ROR2: variants seen among roughly 807,000 people sequenced by gnomAD.
ROR2 encodes ROR family WNT receptor 2, also known as tyrosine-protein kinase transmembrane receptor ROR2.
ROR2 carries 33 observed loss-of-function variants against 74.9 expected under a neutral mutation model. The observed-to-expected ratio is 0.44, with a 90% CI of 0.33 to 0.59. The LOEUF (loss-of-function observed/expected upper bound fraction) is 0.59, where lower values mean the gene tolerates loss of function less well. ROR2 is among the 20% of genes least tolerant of loss of function. The pLI, the probability that ROR2 is intolerant of heterozygous loss-of-function variation, is 0.02. For missense variants in ROR2, 1,216 were observed against 1,313.8 expected (o/e 0.93, Z 1.15); for synonymous variants, 586 against 558.7 (o/e 1.05, Z -0.69).
At position 91,724,060 on chromosome 9, in the gene ROR2, C is replaced by T; in HGVS notation, c.2434G>A (p.Val812Met). The T allele has an allele frequency of 6.2e-7, 1 of 1,610,810 alleles. No homozygotes were observed. The change falls in exon 9 of 9, where the codon GTG becomes ATG. Residue 812 changes from valine (V) to methionine (M), a missense_variant. Coordinates refer to ENST00000375708, the MANE Select transcript of ROR2 (RefSeq NM_004560.4). ...IPMKGQIRPMVPPPQLYVPVN... is the reference protein window; with the variant it reads ...IPMKGQIRPMMPPPQLYVPVN... ...GGGACGTAGAGCTGCGGCGGGGGCA[C>T]CATGGGTCTGATCTGGCCCTTCATG...
intron 1 of ROR2, among the ~76,000 whole-genome samples, chr9:91,871,079 C>A (rs556247877): frequency 3.0e-4 from 46 of 152,308 alleles, no homozygotes; most frequent in African/African-American, 1.1e-3. Context: ...CCAAAGAAAC[C>A]CTCGGTTATT....
chr9:91,844,931 T>C (rs1828881222), intron 1 of ROR2, among the ~76,000 whole-genome samples: 1 of 152,182 alleles, frequency 6.6e-6, no homozygotes, highest in East Asian at 1.9e-4. Flanking sequence ...CTGCATTTTC[T>C]ACACACGCAT....
At chr9:91,819,413 G>C (rs1182543384) in intron 1 of ROR2, among the ~76,000 whole-genome samples, 1 of 152,164 alleles carries the variant, frequency 6.6e-6, no homozygotes, top group Non-Finnish European at 1.5e-5. Context: ...GTGTGTCTTT[G>C]AGTGTGTCTG....
Position 91,775,728 on chromosome 9 carries a change from T to C in ROR2, c.175+13A>G, listed in dbSNP as rs1393531416. On this transcript the variant is annotated intron_variant, in intron 2 of 8. Coordinates refer to ENST00000375708, the MANE Select transcript of ROR2 (RefSeq NM_004560.4). ...TTGGAGGACATGGAGAGCACCTGCA[T>C]GTCCCAGCTCACCTTTCAGAGTTGG... The C allele has an allele frequency of 1.2e-6, 2 of 1,613,182 alleles. No homozygotes were observed. The highest frequency in any genetic ancestry group is 1.3e-5 in the African/African-American group (1 of 74,892).
chr9:91,812,815 C>A (rs1350600897), intron 1 of ROR2, among the ~76,000 whole-genome samples: 1 of 152,136 alleles, frequency 6.6e-6, no homozygotes. Context: ...ACCCCTTCAC[C>A]AAAGAGAGAC....
intron 1 of ROR2, among the ~76,000 whole-genome samples, chr9:91,926,571 T>C (rs1831408282): frequency 6.9e-6 from 1 of 144,126 alleles, no homozygotes; most frequent in Non-Finnish European, 1.5e-5. Context: ...GAAGACATCC[T>C]ATATTTATCC....
intron 1 of ROR2, among the ~76,000 whole-genome samples, chr9:91,930,027 T>TA (rs796910826): frequency 0.013 from 1,908 of 148,534 alleles, 36 homozygotes; most frequent in African/African-American, 0.044. Context: ...CTGCAAGCTT[T>TA]AAAAAAAAAA....
chr9:91,740,334 G>A (rs147248574), intron 4 of ROR2, among the ~76,000 whole-genome samples: 1,874 of 152,166 alleles, frequency 0.012, 25 homozygotes, highest in Non-Finnish European at 0.018. Flanking sequence ...GGATCACAAG[G>A]TCAGAAGATC....
chr9:91,812,013 A>T (rs1827766205), intron 1 of ROR2, among the ~76,000 whole-genome samples: 1 of 151,970 alleles, frequency 6.6e-6, no homozygotes, highest in African/African-American at 2.4e-5. Flanking sequence ...CTTGGGCCAC[A>T]CATAAAATAC....
Position 91,724,176 on chromosome 9 carries a change from A to AG in ROR2, c.2317dup (p.Leu773ProfsTer123), listed in dbSNP as rs1487758584. On this transcript the variant is annotated frameshift_variant, in exon 9 of 9. Transcript: ENST00000375708. LOFTEE classifies it high-confidence loss of function. ...CACATTGCTCACTGGGCTGGTGCTCAGGGAGCTGGTCTGCGTGGTGTTGCT... is the reference window on the plus strand; with the variant it reads ...CACATTGCTCACTGGGCTGGTGCTCAGGGGAGCTGGTCTGCGTGGTGTTGCT... 1 of 1,612,458 alleles carries AG rather than the reference A, an allele frequency of 6.2e-7. No homozygotes were observed.
intron 5 of ROR2, among the ~76,000 whole-genome samples, chr9:91,734,323 G>A (rs954536670): frequency 1.3e-5 from 2 of 152,198 alleles, no homozygotes; most frequent in East Asian, 3.8e-4. Flanking sequence ...GGGGACAGTG[G>A]AGGCAGACAG....
intron 4 of ROR2, among the ~76,000 whole-genome samples, chr9:91,748,500 G>A (rs1264687594): frequency 6.6e-6 from 1 of 151,810 alleles, no homozygotes; most frequent in East Asian, 1.9e-4. Context: ...TTCCCCCATG[G>A]AAAAAAAATC....
At chr9:91,890,755 C>T (rs971484331) in intron 1 of ROR2, among the ~76,000 whole-genome samples, 1 of 152,200 alleles carries the variant, frequency 6.6e-6, no homozygotes, top group African/African-American at 2.4e-5. Flanking sequence ...GTAACGGTGA[C>T]AACAGAAATC....
At chr9:91,810,562 G>C (rs1489012029) in intron 1 of ROR2, among the ~76,000 whole-genome samples, 1 of 152,168 alleles carries the variant, frequency 6.6e-6, no homozygotes, top group African/African-American at 2.4e-5. Flanking sequence ...GCCCGGCCCA[G>C]GCCCTTGTGT....
rs1390633915 is a variant in ROR2 at position 91,730,895 on chromosome 9, A to G, written c.1183+15T>C. 6.2e-7 allele frequency: 1 copy of G among 1,613,796 alleles called. No individual in the cohort carries two copies. The highest frequency in any genetic ancestry group is 1.3e-5 in the African/African-American group (1 of 74,856). ...AACAATCAACACATTAAAAAAAGAGAGAGAGAATACATACTACACGAGGGT... is the reference window on the plus strand; with the variant it reads ...AACAATCAACACATTAAAAAAAGAGGGAGAGAATACATACTACACGAGGGT... On this transcript the variant is annotated intron_variant, in intron 7 of 8. Transcript: ENST00000375708.
chr9:91,827,784 T>C (rs1377262673), intron 1 of ROR2, among the ~76,000 whole-genome samples: 1 of 152,270 alleles, frequency 6.6e-6, no homozygotes, highest in Non-Finnish European at 1.5e-5. Context: ...GCTTAATTTC[T>C]AGTTCTGGAA....
chr9:91,775,978 T>C (rs1826407841), intron 1 of ROR2, among the ~76,000 whole-genome samples, 160 bp from the exon 2 acceptor site: 1 of 152,208 alleles, frequency 6.6e-6, no homozygotes, highest in East Asian at 1.9e-4. Context: ...AGGGATTTTA[T>C]AGTGATATAA....
chr9:91,826,065 A>G (rs1373198380), intron 1 of ROR2, among the ~76,000 whole-genome samples: 1 of 152,194 alleles, frequency 6.6e-6, no homozygotes. Flanking sequence ...CTTATGTTGT[A>G]CGTATCCTGT....
intron 4 of ROR2, among the ~76,000 whole-genome samples, chr9:91,752,348 G>A (rs189706025): frequency 9.8e-4 from 149 of 152,318 alleles, no homozygotes; most frequent in African/African-American, 3.4e-3. Flanking sequence ...CCTTCAACAG[G>A]AGAATGGATA....
Sources: allele counts gnomAD v4.1 joint callset (sites outside exome capture counted in the v4.1 genomes callset), GRCh38; gene constraint gnomAD v4.1.1; transcripts MANE v1.5; gene names NCBI Gene and HGNC (gene_info 2026-07-23, HGNC 2026-07-21).